The following RGS6 variants were observed in gnomAD, a reference collection of about 807,000 sequenced individuals.
The protein encoded by RGS6 is regulator of G protein signaling 6, also known as regulator of G-protein signaling 6.
RGS6 carries 30 observed loss-of-function variants against 78.5 expected under a neutral mutation model. The observed-to-expected ratio is 0.38, with a 90% CI of 0.29 to 0.52. The LOEUF (loss-of-function observed/expected upper bound fraction) is 0.52. RGS6 is among the 20% of genes least tolerant of loss of function. RGS6 has a pLI of 0.85. For synonymous variants in RGS6, 206 were observed against 206.0 expected, an observed-to-expected ratio of 1.00 and a Z score of 0.00; for missense variants, 495 against 609.7, an observed-to-expected ratio of 0.81 and a Z score of 1.98.
rs1235531264 is a variant in RGS6, at chr14:71,932,759, AAG to A, written c.-200_-199del. ...GCGCTCGCCACCACGGAAACTCGGA[AAG>A]AGGAGGCGAGGCTGTGGGGAGCGGC... On this transcript the variant is annotated 5_prime_UTR_variant, in exon 1 of 18. Coordinates refer to ENST00000553525, the MANE Select transcript of RGS6 (RefSeq NM_001204424.2). 6.6e-6 allele frequency: 1 copy of A among 152,194 alleles called. No individual in the cohort carries two copies. The highest frequency in any genetic ancestry group is 1.5e-5 in the Non-Finnish European group (1 of 68,042). 9.4% of individuals were successfully genotyped at this position (152,194 alleles called of 1,614,324 possible).
At chr14:72,438,046 C>T (rs545148162) in intron 3 of RGS6, among the ~76,000 whole-genome samples, 11 of 152,142 alleles carry the variant, frequency 7.2e-5, no homozygotes, top group African/African-American at 2.4e-4. Flanking sequence ...TGAATCAAGA[C>T]AGGAGCAGGA....
chr14:72,268,316 C>G (rs564938666), intron 2 of RGS6, among the ~76,000 whole-genome samples: 2 of 152,320 alleles, frequency 1.3e-5, no homozygotes, highest in African/African-American at 4.8e-5. Flanking sequence ...GTTTTCTGTT[C>G]TCCTGTTTTC....
At chr14:72,047,031 T>C (rs372704855) in intron 2 of RGS6, among the ~76,000 whole-genome samples, 2 of 152,202 alleles carry the variant, frequency 1.3e-5, no homozygotes, top group African/African-American at 2.4e-5. Flanking sequence ...CTTGGACAAA[T>C]AGTAAGTCTC....
intron 2 of RGS6, among the ~76,000 whole-genome samples, chr14:72,298,401 G>A (rs2065293249): frequency 7.8e-6 from 1 of 128,740 alleles, no homozygotes. Context: ...TTTTGTGTTT[G>A]TGTTAATGAG....
chr14:72,055,000 T>C (rs1324106619), intron 2 of RGS6, among the ~76,000 whole-genome samples: 1 of 152,244 alleles, frequency 6.6e-6, no homozygotes, highest in Non-Finnish European at 1.5e-5. Context: ...AATGTTAGTA[T>C]AGGTTATACT....
chr14:72,150,139 A>C (rs142738334), intron 2 of RGS6, among the ~76,000 whole-genome samples: 2,315 of 152,272 alleles, frequency 0.015, 53 homozygotes, highest in African/African-American at 0.052. Flanking sequence ...ATCATCCTGG[A>C]TTTAGGGTGG....
At chr14:72,040,678 T>A (rs1231278014) in intron 2 of RGS6, among the ~76,000 whole-genome samples, 1 of 152,188 alleles carries the variant, frequency 6.6e-6, no homozygotes, top group Non-Finnish European at 1.5e-5. Flanking sequence ...AAGTTTTCAG[T>A]CATTATTTTC....
At chr14:71,906,139 T>C in the RGS6 span, among the ~76,000 whole-genome samples, 4 of 152,236 alleles carry the variant, frequency 2.6e-5, no homozygotes, top group African/African-American at 9.6e-5. Flanking sequence ...AGGAGATAAA[T>C]ACATTTCCCA....
intron 2 of RGS6, among the ~76,000 whole-genome samples, chr14:72,269,163 C>A (rs1052455923): frequency 3.9e-5 from 6 of 152,062 alleles, no homozygotes; most frequent in African/African-American, 1.2e-4. Flanking sequence ...TGCTCCAAGC[C>A]TCCATCATCT....
chr14:72,322,757 T>G (rs1363130337), intron 2 of RGS6, among the ~76,000 whole-genome samples: 2 of 152,126 alleles, frequency 1.3e-5, no homozygotes, highest in Non-Finnish European at 2.9e-5. Flanking sequence ...CTGTATTAAT[T>G]TAATTCATAA....
At chr14:72,160,048 G>A (rs2096831035) in intron 2 of RGS6, among the ~76,000 whole-genome samples, 1 of 152,128 alleles carries the variant, frequency 6.6e-6, no homozygotes, top group Admixed American at 6.5e-5. Flanking sequence ...TACTTTATGG[G>A]TGAGCACCAG....
chr14:71,932,259 G>C (rs1399989085), upstream of RGS6, among the ~76,000 whole-genome samples: 1 of 151,798 alleles, frequency 6.6e-6, no homozygotes, highest in Admixed American at 6.6e-5. Flanking sequence ...GCGCCCGCGG[G>C]ACGCGCTCAG....
At chr14:71,990,522 C>T (rs181591071) in intron 2 of RGS6, 4 of 442,384 alleles carry the variant, frequency 9.0e-6, no homozygotes, top group African/African-American at 4.0e-5. Context: ...TGTACTGAAA[C>T]AGCTCATTTT....
chr14:72,379,112 G>C (rs1347005789), intron 3 of RGS6, among the ~76,000 whole-genome samples: 1 of 152,086 alleles, frequency 6.6e-6, no homozygotes, highest in African/African-American at 2.4e-5. Flanking sequence ...TGGAGAAAAA[G>C]CATTCAATAC....
intron 2 of RGS6, among the ~76,000 whole-genome samples, chr14:72,277,764 C>T: frequency 6.6e-6 from 1 of 151,802 alleles, no homozygotes; most frequent in Non-Finnish European, 1.5e-5. Context: ...CCCGTCTCTA[C>T]CAAAAATACA....
intron 13 of RGS6, among the ~76,000 whole-genome samples, chr14:72,503,592 G>GAA (rs2096758467): frequency 6.7e-6 from 1 of 149,592 alleles, no homozygotes; most frequent in South Asian, 2.1e-4. Context: ...GAGAGAGAGA[G>GAA]AAATAGGAAA....
intron 17 of RGS6, chr14:72,541,100 G>A (rs756854375): frequency 4.7e-5 from 64 of 1,359,312 alleles, no homozygotes; most frequent in Non-Finnish European, 6.1e-5. Context: ...AAACCAGAGG[G>A]AACCAGGGAG....
intron 2 of RGS6, among the ~76,000 whole-genome samples, chr14:72,326,797 TC>T (rs1469816666): frequency 6.6e-6 from 1 of 152,186 alleles, no homozygotes; most frequent in African/African-American, 2.4e-5. Context: ...AAGCTCCACC[TC>T]CCGGGCTCAC....
In RGS6 at chr14:72,241,658, T is replaced by C. The variant is rs529968254; in HGVS notation, c.85-110437T>C. On this transcript the variant is annotated intron_variant, in intron 2 of 17. Transcript: ENST00000553525. ...TCTTTATTATTGGACATTTAAGTTG[T>C]TTATAATTTTTGTCCTTGCAAATAA... Among the ~76,000 whole-genome samples, 10 of 152,384 alleles carry C rather than the reference T, an allele frequency of 6.6e-5. No individual in the cohort carries two copies. The South Asian group carries it at 2.1e-3, about 32-fold the overall frequency.
Sources: gnomAD v4.1 joint callset for allele counts (sites outside exome capture counted in the v4.1 genomes callset) on GRCh38, gnomAD v4.1.1 for gene constraint, MANE v1.5 for transcripts, NCBI Gene and HGNC (gene_info 2026-07-23, HGNC 2026-07-21) for gene names.